ARGLU1: variants seen among roughly 807,000 people sequenced by gnomAD.
ARGLU1 encodes the protein arginine and glutamate rich 1.
ARGLU1 carries 9 observed loss-of-function variants against 37.6 expected under a neutral mutation model. That is an observed-to-expected ratio of 0.24 (90% CI 0.14 to 0.42). ARGLU1 has a LOEUF of 0.42. Among genes scored for constraint, ARGLU1 ranks in the 10% least tolerant of loss-of-function variants. The probability of loss-of-function intolerance (pLI) is 1.00; values close to 1 mark genes in which losing one functional copy is unlikely to be tolerated. For missense variants in ARGLU1, 211 were observed against 359.2 expected, an observed-to-expected ratio of 0.59 and a Z score of 3.34; for synonymous variants, 166 against 138.5, an observed-to-expected ratio of 1.20 and a Z score of -1.39.
At chr13:106,556,631 G>C (rs560139257) in intron 3 of ARGLU1, among the ~76,000 whole-genome samples, 1 of 152,124 alleles carries the variant, frequency 6.6e-6, no homozygotes, top group African/African-American at 2.4e-5. Context: ...AATTACTCCG[G>C]TGCACTTACT....
At chr13:106,544,232 TTATC>T (rs758374254) in intron 3 of ARGLU1, 72 bp from the exon 4 acceptor site, 179 of 1,350,608 alleles carry the variant, frequency 1.3e-4, no homozygotes, top group Middle Eastern at 5.5e-4. Context: ...GCAACAGGTG[TTATC>T]TATTATGTAT....
chr13:106,567,497 T>G lies in ARGLU1; in HGVS notation c.347+76A>C, dbSNP rs1372573010. ...CCCGCCATTCTCCCGGCCCGCACCG[T>G]CCCGCCCCGGCCCCACGCCCTCGCC... On this transcript the variant is annotated intron_variant, in intron 1 of 3. Transcript: ENST00000400198. The surrounding 1 kb of genome is among the most constrained non-coding windows in gnomAD (Gnocchi z 4.3). 3.0e-5 allele frequency: 33 copies of G among 1,097,760 alleles called. No individual in the cohort carries two copies. The highest frequency in any genetic ancestry group is 2.7e-6 in the Non-Finnish European group (2 of 738,506). The allele number at this position is 1,097,760 out of a possible 1,614,324, so 68.0% of individuals were successfully genotyped here.
intron 3 of ARGLU1, among the ~76,000 whole-genome samples, chr13:106,550,343 C>A (rs2138966362): frequency 6.6e-6 from 1 of 152,290 alleles, no homozygotes; most frequent in South Asian, 2.1e-4. Context: ...AATACACTCA[C>A]TCATGTCCAG....
Position 106,559,603 on chromosome 13 carries a change from T to C in ARGLU1, c.402A>G (p.Val134=). 6.2e-7 allele frequency: 1 copy of C among 1,614,222 alleles called. No individual in the cohort carries two copies. Among genetic ancestry groups the C allele is most frequent in the Non-Finnish European group, 8.5e-7 (1 of 1,180,042 alleles). The change falls in exon 2 of 4, where the codon GTA becomes GTG. Residue 134 remains valine, a synonymous_variant. Coordinates refer to ENST00000400198, the MANE Select transcript of ARGLU1 (RefSeq NM_018011.4). ...CCACCCTTTTTGCTACCAATTCTTC[T>C]ACTCTTCGTGCTGTTTCTTCCTCGA... is the stretch of plus-strand genomic sequence containing the variant. ...KLIEEETARR[V]EELVAKRVEE...
chr13:106,549,785 G>T (rs1247335207), intron 3 of ARGLU1, among the ~76,000 whole-genome samples: 4 of 152,030 alleles, frequency 2.6e-5, no homozygotes, highest in Non-Finnish European at 5.9e-5. Flanking sequence ...TATCTCCATG[G>T]ATTCCATGTT....
At chr13:106,559,745 T>C (rs1435857668) in intron 1 of ARGLU1, 88 bp from the exon 2 acceptor site, 6 of 1,348,716 alleles carry the variant, frequency 4.4e-6, no homozygotes, top group African/African-American at 1.5e-5. Flanking sequence ...TATCAAGCCA[T>C]TGAGCCTGAT....
intron 3 of ARGLU1, among the ~76,000 whole-genome samples, chr13:106,556,402 A>G (rs917111649): frequency 2.6e-5 from 4 of 152,194 alleles, no homozygotes; most frequent in Non-Finnish European, 5.9e-5. Flanking sequence ...TTACATTCTT[A>G]TTAAGGTTAT....
chr13:106,554,770 A>G (rs1259030005), intron 3 of ARGLU1, among the ~76,000 whole-genome samples: 2 of 151,920 alleles, frequency 1.3e-5, no homozygotes, highest in Non-Finnish European at 2.9e-5. Flanking sequence ...CTGTAGTCCC[A>G]GCTACTCAGG....
intron 3 of ARGLU1, among the ~76,000 whole-genome samples, chr13:106,551,681 G>T (rs1880533757): frequency 6.6e-6 from 1 of 152,144 alleles, no homozygotes; most frequent in Non-Finnish European, 1.5e-5. Flanking sequence ...TGTCAGAAGG[G>T]TGTCCATTCT....
At chr13:106,563,615 G>A (rs575746323) in intron 1 of ARGLU1, among the ~76,000 whole-genome samples, 1 of 152,264 alleles carries the variant, frequency 6.6e-6, no homozygotes, top group South Asian at 2.1e-4. Flanking sequence ...ATCAGCCTGG[G>A]AAACATAGTG....
At chr13:106,563,020 A>C (rs931751482) in intron 1 of ARGLU1, among the ~76,000 whole-genome samples, 5 of 140,098 alleles carry the variant, frequency 3.6e-5, no homozygotes, top group East Asian at 2.2e-4. Flanking sequence ...AAAAAAAAAA[A>C]CCACTAGTCA....
chr13:106,548,021 A>G (rs1880437551), intron 3 of ARGLU1, among the ~76,000 whole-genome samples: 1 of 152,238 alleles, frequency 6.6e-6, no homozygotes, highest in South Asian at 2.1e-4. Flanking sequence ...CTCCGGGACT[A>G]CGGCTCAACA....
chr13:106,559,670 G>A lies in ARGLU1; in HGVS notation c.348-13C>T, dbSNP rs1312327312. On this transcript the variant is annotated splice_polypyrimidine_tract_variant and intron_variant, in intron 1 of 3. Coordinates refer to ENST00000400198, the MANE Select transcript of ARGLU1 (RefSeq NM_018011.4). ...TTCTTGCTGTCGACTAGCAAACAAAGTGAAAAAAACAAGTTAGGTATTTAC... is the reference window on the plus strand; with the variant it reads ...TTCTTGCTGTCGACTAGCAAACAAAATGAAAAAAACAAGTTAGGTATTTAC... The A allele has an allele frequency of 1.2e-5, 19 of 1,595,062 alleles. No individual in the cohort carries two copies. The Admixed American group carries it at 1.8e-4, about 15-fold the overall frequency.
chr13:106,548,786 T>C (rs1385043685), intron 3 of ARGLU1, among the ~76,000 whole-genome samples: 2 of 152,238 alleles, frequency 1.3e-5, no homozygotes. Flanking sequence ...CTTGCTCTTG[T>C]TGCCCAGGCT....
intron 1 of ARGLU1, among the ~76,000 whole-genome samples, chr13:106,562,836 A>T: frequency 7.7e-6 from 1 of 130,614 alleles, no homozygotes; most frequent in Admixed American, 7.7e-5. Flanking sequence ...CTAAAAATAA[A>T]AATAAATAAA....
intron 1 of ARGLU1, among the ~76,000 whole-genome samples, chr13:106,563,351 C>G (rs566590156): frequency 4.6e-5 from 7 of 152,280 alleles, no homozygotes; most frequent in African/African-American, 1.7e-4. Context: ...TTTCTAGACT[C>G]GAGCACACTG....
intron 3 of ARGLU1, 125 bp downstream of exon 3, chr13:106,556,923 A>C: frequency 1.3e-6 from 1 of 751,084 alleles, no homozygotes; most frequent in African/African-American, 1.8e-5. Flanking sequence ...AAAAGCCTTT[A>C]AAGTTAGTCC....
intron 1 of ARGLU1, among the ~76,000 whole-genome samples, chr13:106,562,280 G>A (rs1377970120): frequency 1.3e-5 from 2 of 152,126 alleles, no homozygotes; most frequent in Admixed American, 6.5e-5. Context: ...CAATGCTGAA[G>A]GAAAGCTCAA....
At position 106,557,306 on chromosome 13, in the gene ARGLU1, A is replaced by C; in HGVS notation, c.574-175T>G. ...TCACTAAAATTGGTTTCTAGCACTAAATTTAAATCATCCCTCCCAGTCCAA... is the reference window on the plus strand; with the variant it reads ...TCACTAAAATTGGTTTCTAGCACTACATTTAAATCATCCCTCCCAGTCCAA... On this transcript the variant is annotated intron_variant, in intron 2 of 3. Transcript: ENST00000400198. The surrounding 1 kb of genome is among the most constrained non-coding windows in gnomAD (Gnocchi z 5.0). 1 of 683,564 alleles carries C rather than the reference A, an allele frequency of 1.5e-6. No homozygotes were observed. Among genetic ancestry groups the C allele is most frequent in the Non-Finnish European group, 2.4e-6 (1 of 425,088 alleles). 42.3% of individuals were successfully genotyped at this position (683,564 alleles called of 1,614,324 possible).
Sources: allele counts gnomAD v4.1 joint callset (sites outside exome capture counted in the v4.1 genomes callset), GRCh38; gene constraint gnomAD v4.1.1; non-coding constraint Gnocchi (gnomAD v3.1); transcripts MANE v1.5; gene names NCBI Gene and HGNC (gene_info 2026-07-23, HGNC 2026-07-21).